Variants in AK3 observed in about 807,000 individuals in gnomAD.
AK3 encodes adenylate kinase 3.
AK3 carries 27 observed loss-of-function variants against 23.7 expected under a neutral mutation model. The observed-to-expected ratio is 1.14, with a 90% CI of 0.84 to 1.57. The LOEUF is 1.57. Ranked by LOEUF, AK3 falls within the 40% of genes most tolerant of loss-of-function variation. The pLI, the probability that AK3 is intolerant of heterozygous loss-of-function variation, is 0.00. For missense variants in AK3, 406 were observed against 285.6 expected (o/e 1.42, Z -3.04); for synonymous variants, 159 against 116.0 (o/e 1.37, Z -2.38).
intron 1 of AK3, among the ~76,000 whole-genome samples, chr9:4,724,124 T>TTA (rs1841967178): frequency 6.6e-6 from 1 of 152,212 alleles, no homozygotes; most frequent in African/African-American, 2.4e-5. Context: ...AGACTGCACT[T>TTA]AGAAGAGGGC....
chr9:4,728,290 G>T (rs994847855), intron 1 of AK3, among the ~76,000 whole-genome samples: 2 of 152,188 alleles, frequency 1.3e-5, no homozygotes, highest in African/African-American at 4.8e-5. Flanking sequence ...CAAGTGTTAG[G>T]CCAGGCACAA....
At chr9:4,714,768 A>C (rs1841675315) in intron 4 of AK3, among the ~76,000 whole-genome samples, 1 of 152,248 alleles carries the variant, frequency 6.6e-6, no homozygotes, top group Admixed American at 6.5e-5. Context: ...GTTACTCTAT[A>C]ATGTCCCACA....
At chr9:4,733,362 A>C (rs536373970) in intron 1 of AK3, among the ~76,000 whole-genome samples, 2 of 152,194 alleles carry the variant, frequency 1.3e-5, no homozygotes, top group East Asian at 3.9e-4. Flanking sequence ...AATAATAAAC[A>C]CTTGAGTCAA....
chr9:4,728,986 TAC>T (rs775316557), intron 1 of AK3, among the ~76,000 whole-genome samples: 6 of 84,100 alleles, frequency 7.1e-5, no homozygotes, highest in Admixed American at 3.0e-4. Flanking sequence ...TACATATATA[TAC>T]ACACACACAC....
Position 4,735,484 on chromosome 9 carries a change from T to A in AK3, c.151+5453A>T, listed in dbSNP as rs867359903. ...TATATGTGTATATATATATATTTTT[T>A]TTTTTTTTTTGGAAACAGAGTCTCA... On this transcript the variant is annotated intron_variant, in intron 1 of 4. Transcript: ENST00000381809. Among the ~76,000 whole-genome samples the A allele has an allele frequency of 5.1e-3, 595 of 116,976 alleles. 33 individuals carry two copies. Among genetic ancestry groups the A allele is most frequent in the South Asian group, 7.9e-3 (30 of 3,774 alleles). 76.7% of individuals were successfully genotyped at this position (116,976 alleles called of 152,430 possible). A position where few individuals can be genotyped will look rare whatever the true frequency, so the allele number is the denominator to read the frequency against.
intron 2 of AK3, among the ~76,000 whole-genome samples, chr9:4,720,203 G>T (rs1042060812): frequency 1.1e-4 from 17 of 152,284 alleles, no homozygotes; most frequent in African/African-American, 3.1e-4. Flanking sequence ...AAACAATGTG[G>T]TTCAAAAACA....
chr9:4,738,963 G>A (rs2130918554), intron 1 of AK3, among the ~76,000 whole-genome samples: 1 of 151,772 alleles, frequency 6.6e-6, no homozygotes. Context: ...GGTAGAGACG[G>A]GGGTTTCGTC....
intron 1 of AK3, among the ~76,000 whole-genome samples, chr9:4,736,962 G>A (rs1453037371): frequency 6.6e-6 from 1 of 152,126 alleles, no homozygotes; most frequent in Non-Finnish European, 1.5e-5. Flanking sequence ...ACAGGCATAA[G>A]CCACCACACC....
intron 2 of AK3, among the ~76,000 whole-genome samples, chr9:4,720,492 T>A (rs894597506): frequency 2.0e-5 from 3 of 152,174 alleles, no homozygotes; most frequent in Non-Finnish European, 4.4e-5. Context: ...GAGACCAGCC[T>A]GGGCAACATA....
Position 4,710,972 on chromosome 9 carries a change from C to A in AK3, c.*2004G>T, listed in dbSNP as rs1240784648. Reference sequence around the variant, plus strand: ...ATTCCTAAAGTAATGAATGTATGTGCAAAACTTTGGGCTAAGTGTTTGCGG... The same window carrying A: ...ATTCCTAAAGTAATGAATGTATGTGAAAAACTTTGGGCTAAGTGTTTGCGG... On this transcript the variant is annotated 3_prime_UTR_variant, in exon 5 of 5. Coordinates refer to ENST00000381809, the MANE Select transcript of AK3 (RefSeq NM_016282.4). 1.3e-5 allele frequency: 2 copies of A among 152,054 alleles called. No homozygotes were observed. The highest frequency in any genetic ancestry group is 4.2e-4 in the South Asian group (2 of 4,818). 9.4% of individuals were successfully genotyped at this position (152,054 alleles called of 1,614,324 possible). A position where few individuals can be genotyped will look rare whatever the true frequency, so the allele number is the denominator to read the frequency against.
Position 4,713,897 on chromosome 9 carries a change from CA to C in AK3, c.564-802del, listed in dbSNP as rs1841628632. Among the ~76,000 whole-genome samples the C allele has an allele frequency of 2.1e-5, 2 of 96,994 alleles. 1 individual carries two copies. Among genetic ancestry groups the C allele is most frequent in the Non-Finnish European group, 4.3e-5 (2 of 46,300 alleles). The allele number at this position is 96,994 out of a possible 152,430, so 63.6% of individuals were successfully genotyped here. ...ATACCCGTCCTCTAGCCCATGCGTACACCTACGCCTACACATATACACCTCC... is the reference window on the plus strand; with the variant it reads ...ATACCCGTCCTCTAGCCCATGCGTACCCTACGCCTACACATATACACCTCC... On this transcript the variant is annotated intron_variant, in intron 4 of 4. Coordinates refer to ENST00000381809, the MANE Select transcript of AK3 (RefSeq NM_016282.4).
chr9:4,732,940 G>C (rs1246358473), intron 1 of AK3, among the ~76,000 whole-genome samples: 1 of 151,582 alleles, frequency 6.6e-6, no homozygotes, highest in Non-Finnish European at 1.5e-5. Context: ...CAAACCCCTG[G>C]GCTCAAGCAT....
intron 4 of AK3, among the ~76,000 whole-genome samples, chr9:4,713,798 G>T (rs1413220827): frequency 6.6e-6 from 1 of 151,184 alleles, no homozygotes; most frequent in African/African-American, 2.4e-5. Flanking sequence ...ATGGTGAAGA[G>T]TGAGATCAGA....
chr9:4,738,821 G>A (rs1430287694), intron 1 of AK3, among the ~76,000 whole-genome samples: 1 of 143,802 alleles, frequency 7.0e-6, no homozygotes, highest in Non-Finnish European at 1.5e-5. Flanking sequence ...ACCCAGCTTG[G>A]AGTGTAGTAG....
rs1841577719 is a variant in AK3 at position 4,712,118 on chromosome 9, CACATTTGGATCAA to C, written c.*845_*857del. The C allele has an allele frequency of 6.6e-6, 1 of 152,008 alleles. No individual in the cohort carries two copies. Among genetic ancestry groups the C allele is most frequent in the African/African-American group, 2.4e-5 (1 of 41,392 alleles). 9.4% of individuals were successfully genotyped at this position (152,008 alleles called of 1,614,324 possible). A position where few individuals can be genotyped will look rare whatever the true frequency, so the allele number is the denominator to read the frequency against. On this transcript the variant is annotated 3_prime_UTR_variant, in exon 5 of 5. Transcript: ENST00000381809. The stretch of plus-strand genomic sequence containing the variant: ...ACTTGTTATTTATCAGGGCAGATCA[CACATTTGGATCAA>C]AAAGAAAAACCAGCAAGTAGATCCT...
chr9:4,740,676 T>A (rs531393046), intron 1 of AK3, among the ~76,000 whole-genome samples: 1 of 152,190 alleles, frequency 6.6e-6, no homozygotes, highest in South Asian at 2.1e-4. Context: ...CCCGGTGGTT[T>A]CCTTTCATCT....
chr9:4,733,011 A>C (rs1171092433), intron 1 of AK3, among the ~76,000 whole-genome samples: 1 of 149,918 alleles, frequency 6.7e-6, no homozygotes, highest in Non-Finnish European at 1.5e-5. Context: ...TGCCTGGCTA[A>C]TTTTTTTTTT....
chr9:4,712,913 C>T lies in AK3; in HGVS notation c.*63G>A. 1 of 1,544,750 alleles carries T rather than the reference C, an allele frequency of 6.5e-7. No individual in the cohort carries two copies. Among genetic ancestry groups the T allele is most frequent in the Non-Finnish European group, 8.8e-7 (1 of 1,141,682 alleles). On this transcript the variant is annotated 3_prime_UTR_variant, in exon 5 of 5. Transcript: ENST00000381809. ...ATACTAGAAGTCTTAGGAAAAGCAG[C>T]TTCTAAATGCAAGGACTAGGAGGTT...
intron 1 of AK3, among the ~76,000 whole-genome samples, chr9:4,735,002 G>C (rs1297229186): frequency 6.6e-6 from 1 of 151,946 alleles, no homozygotes; most frequent in Admixed American, 6.6e-5. Context: ...CAGGTGGAGG[G>C]GTGTGGGGTA....
Sources: allele counts gnomAD v4.1 joint callset (sites outside exome capture counted in the v4.1 genomes callset), GRCh38; gene constraint gnomAD v4.1.1; transcripts MANE v1.5; gene names NCBI Gene and HGNC (gene_info 2026-07-23, HGNC 2026-07-21).